SH3RF3: variants seen among roughly 807,000 people sequenced by gnomAD.
SH3RF3 encodes E3 ubiquitin-protein ligase SH3RF3.
SH3RF3 carries 29 observed loss-of-function variants against 66.3 expected under a neutral mutation model. That is an observed-to-expected ratio of 0.44 (90% confidence interval 0.33 to 0.60). The LOEUF (loss-of-function observed/expected upper bound fraction) is 0.60. Among genes scored for constraint, SH3RF3 ranks in the 20% least tolerant of loss-of-function variants. SH3RF3 has a pLI of 0.04. For synonymous variants in SH3RF3, 583 were observed against 532.0 expected (o/e 1.10, Z -1.32); for missense variants, 1,194 against 1,190.9 (o/e 1.00, Z -0.04).
At chr2:109,216,058 G>A (rs1398358759) in intron 1 of SH3RF3, among the ~76,000 whole-genome samples, 7 of 152,316 alleles carry the variant, frequency 4.6e-5, no homozygotes, top group Admixed American at 3.9e-4. Context: ...AGGTAAGACA[G>A]CCAAGCAGTC....
At chr2:109,170,763 G>T (rs1364982303) in intron 1 of SH3RF3, among the ~76,000 whole-genome samples, 1 of 152,234 alleles carries the variant, frequency 6.6e-6, no homozygotes, top group Non-Finnish European at 1.5e-5. Flanking sequence ...GGCTCAAGGG[G>T]TGCGGATGAC....
intron 1 of SH3RF3, among the ~76,000 whole-genome samples, chr2:109,199,886 G>A (rs1187490337): frequency 8.4e-4 from 1 of 1,190 alleles, no homozygotes; most frequent in Non-Finnish European, 1.7e-3. Context: ...GGGCTTAGAT[G>A]TAGAAAGCTT....
At chr2:109,193,566 A>G (rs1435139060) in intron 1 of SH3RF3, among the ~76,000 whole-genome samples, 8 of 151,976 alleles carry the variant, frequency 5.3e-5, no homozygotes, top group Admixed American at 5.2e-4. Flanking sequence ...AAGCTCACCC[A>G]TGTGGTATGT....
At chr2:109,267,600 G>A (rs902108700) in intron 1 of SH3RF3, among the ~76,000 whole-genome samples, 3 of 152,160 alleles carry the variant, frequency 2.0e-5, no homozygotes, top group Admixed American at 1.3e-4. Flanking sequence ...GGCTGTGATG[G>A]GTGGACCAGG....
intron 1 of SH3RF3, among the ~76,000 whole-genome samples, chr2:109,315,744 G>A (rs17035416): frequency 0.31 from 47,389 of 152,016 alleles, 9,145 homozygotes; most frequent in African/African-American, 0.55. Context: ...CATTATGTCT[G>A]GCTATTGTGA....
At chr2:109,224,607 C>T (rs750378925) in intron 1 of SH3RF3, among the ~76,000 whole-genome samples, 6 of 152,310 alleles carry the variant, frequency 3.9e-5, no homozygotes, top group East Asian at 1.9e-4. Flanking sequence ...CCTGTAATCC[C>T]GGCACTTTGG....
At chr2:109,250,260 A>C (rs1049321210) in intron 1 of SH3RF3, among the ~76,000 whole-genome samples, 3 of 152,128 alleles carry the variant, frequency 2.0e-5, no homozygotes. Context: ...GAATGTTTAG[A>C]ACTTTGGAAG....
intron 8 of SH3RF3, among the ~76,000 whole-genome samples, chr2:109,453,097 T>TGCAG (rs995748514): frequency 1.4e-4 from 22 of 152,196 alleles, no homozygotes; most frequent in Admixed American, 3.3e-4. Flanking sequence ...CGATGTGGTG[T>TGCAG]GCAGGCCTCT....
intron 1 of SH3RF3, among the ~76,000 whole-genome samples, chr2:109,342,625 C>G (rs925169269): frequency 6.6e-6 from 1 of 152,198 alleles, no homozygotes; most frequent in African/African-American, 2.4e-5. Flanking sequence ...GCCCTCCCGA[C>G]GCTGCAGGCC....
At chr2:109,232,443 A>G (rs924471222) in intron 1 of SH3RF3, among the ~76,000 whole-genome samples, 3 of 152,172 alleles carry the variant, frequency 2.0e-5, no homozygotes, top group Admixed American at 2.0e-4. Context: ...TGGTCTGCCT[A>G]TCTATCTGTA....
chr2:109,236,219 A>G (rs906144543), intron 1 of SH3RF3, among the ~76,000 whole-genome samples: 25 of 152,198 alleles, frequency 1.6e-4, no homozygotes, highest in African/African-American at 5.8e-4. Context: ...CCCAATTACA[A>G]TGTAATATAC....
At chr2:109,208,221 A>G (rs1294045815) in intron 1 of SH3RF3, among the ~76,000 whole-genome samples, 1 of 152,224 alleles carries the variant, frequency 6.6e-6, no homozygotes, top group Admixed American at 6.5e-5. Context: ...CTGAGGTTTT[A>G]GTTCACATCT....
chr2:109,314,270 T>C (rs1440946428), intron 1 of SH3RF3, among the ~76,000 whole-genome samples: 1 of 152,194 alleles, frequency 6.6e-6, no homozygotes, highest in Non-Finnish European at 1.5e-5. Context: ...GCTTGGCATA[T>C]GTTTTAGGAG....
At chr2:109,263,970 AAAAG>A (rs1680418906) in intron 1 of SH3RF3, among the ~76,000 whole-genome samples, 1 of 152,222 alleles carries the variant, frequency 6.6e-6, no homozygotes, top group Non-Finnish European at 1.5e-5. Flanking sequence ...CTCCATCTCA[AAAAG>A]AAAGAAAGGA....
At chr2:109,216,081 G>A (rs1260317123) in intron 1 of SH3RF3, among the ~76,000 whole-genome samples, 6 of 152,278 alleles carry the variant, frequency 3.9e-5, no homozygotes, top group African/African-American at 1.4e-4. Flanking sequence ...TCTGAAGAAC[G>A]GAGCCTGTCA....
chr2:109,226,723 A>G (rs1039378810), intron 1 of SH3RF3, among the ~76,000 whole-genome samples: 7 of 152,316 alleles, frequency 4.6e-5, no homozygotes, highest in African/African-American at 1.7e-4. Context: ...ATCTCCACGC[A>G]GAAGGCGTGG....
At chr2:109,212,714 A>G (rs1049821272) in intron 1 of SH3RF3, among the ~76,000 whole-genome samples, 4 of 152,202 alleles carry the variant, frequency 2.6e-5, no homozygotes, top group African/African-American at 7.2e-5. Flanking sequence ...ATTGTTGTAT[A>G]ATAAAGACCC....
At position 109,501,798 on chromosome 2, in the gene SH3RF3, C is replaced by T. The variant is rs1679395433; in HGVS notation, c.*127C>T. ...TCTCCAAGGCACCTGGCGGGGGATA[C>T]CCTGGCCCAGGGTGGGGGCCAGGGA... On this transcript the variant is annotated 3_prime_UTR_variant, in exon 10 of 10. Coordinates refer to ENST00000309415, the MANE Select transcript of SH3RF3 (RefSeq NM_001099289.3). 3.2e-6 allele frequency: 2 copies of T among 616,148 alleles called. No individual in the cohort carries two copies. Among genetic ancestry groups the T allele is most frequent in the East Asian group, 5.5e-5 (2 of 36,530 alleles). 38.2% of individuals were successfully genotyped at this position (616,148 alleles called of 1,614,324 possible). A position where few individuals can be genotyped will look rare whatever the true frequency, so the allele number is the denominator to read the frequency against.
chr2:109,459,283 A>G lies in SH3RF3; in HGVS notation c.2148+9794A>G, dbSNP rs192275332. On this transcript the variant is annotated intron_variant, in intron 8 of 9. Transcript: ENST00000309415. ...AACAAAATAGGAGGAAATACTTACA[A>G]CAGTTACAATCCTCATTTCTGTAGC... Among the ~76,000 whole-genome samples, 156 of 152,270 alleles carry G rather than the reference A, an allele frequency of 1.0e-3. 4 individuals are homozygous for G. Among genetic ancestry groups the G allele is most frequent in the Admixed American group, 0.01 (155 of 15,288 alleles).
Sources: allele counts gnomAD v4.1 joint callset (sites outside exome capture counted in the v4.1 genomes callset), GRCh38; gene constraint gnomAD v4.1.1; transcripts MANE v1.5; gene names NCBI Gene and HGNC (gene_info 2026-07-23, HGNC 2026-07-21).